The following LARGE1 variants were observed in gnomAD, a reference collection of about 807,000 sequenced individuals.
LARGE1 encodes xylosyl- and glucuronyltransferase LARGE1.
LARGE1 carries 43 observed loss-of-function variants against 87.6 expected under a neutral mutation model. The observed-to-expected ratio is 0.49, with a 90% CI of 0.38 to 0.63. The LOEUF is 0.63. LARGE1 is among the 30% of genes least tolerant of loss of function. LARGE1 has a pLI of 0.00. For synonymous variants in LARGE1, 434 were observed against 394.6 expected, an observed-to-expected ratio of 1.10 and a Z score of -1.18; for missense variants, 802 against 1,000.2, an observed-to-expected ratio of 0.80 and a Z score of 2.67.
At chr22:33,283,062 G>T in intron 13 of LARGE1, 140 bp downstream of exon 13, 2 of 1,046,584 alleles carry the variant, frequency 1.9e-6, no homozygotes, top group Non-Finnish European at 3.0e-6. Context: ...GACGTTGTCT[G>T]GAGAAAGCGG....
chr22:33,356,469 C>G (rs1940903497), intron 9 of LARGE1, among the ~76,000 whole-genome samples: 1 of 152,158 alleles, frequency 6.6e-6, no homozygotes, highest in Admixed American at 6.5e-5. Flanking sequence ...CTCTATTTCC[C>G]TTCTTTGAAA....
At chr22:33,265,989 T>C (rs998167545) in intron 11 of LARGE1, among the ~76,000 whole-genome samples, 2 of 152,108 alleles carry the variant, frequency 1.3e-5, no homozygotes, top group African/African-American at 2.4e-5. Context: ...CAAGAAAAGA[T>C]AAATTCCCCA....
intron 11 of LARGE1, among the ~76,000 whole-genome samples, chr22:33,244,449 A>G (rs1350592151): frequency 6.6e-6 from 1 of 152,140 alleles, no homozygotes; most frequent in East Asian, 1.9e-4. Context: ...TGAAACATGA[A>G]TCCAAGCCTC....
intron 6 of LARGE1, among the ~76,000 whole-genome samples, chr22:33,469,607 T>C (rs1011071924): frequency 3.3e-5 from 5 of 151,960 alleles, no homozygotes; most frequent in African/African-American, 1.2e-4. Flanking sequence ...GGTGGATCAC[T>C]TGAGGTCAGG....
At chr22:33,573,855 G>A (rs1348579664) in intron 5 of LARGE1, among the ~76,000 whole-genome samples, 1 of 152,084 alleles carries the variant, frequency 6.6e-6, no homozygotes, top group African/African-American at 2.4e-5. Context: ...TACATGCCCG[G>A]CAGTTGATGC....
chr22:33,208,289 T>C (rs769753516), intron 11 of LARGE1, among the ~76,000 whole-genome samples: 1 of 152,218 alleles, frequency 6.6e-6, no homozygotes, highest in Non-Finnish European at 1.5e-5. Flanking sequence ...AAGATCTCTC[T>C]GTGTTTTCTC....
intron 1 of LARGE1, among the ~76,000 whole-genome samples, chr22:33,884,951 G>C (rs560141466): frequency 6.6e-6 from 1 of 152,224 alleles, no homozygotes; most frequent in Non-Finnish European, 1.5e-5. Flanking sequence ...CCATGGGGGG[G>C]AGGAATTAAT....
At chr22:33,500,066 C>T (rs777986274) in intron 6 of LARGE1, among the ~76,000 whole-genome samples, 36 of 152,126 alleles carry the variant, frequency 2.4e-4, no homozygotes, top group Non-Finnish European at 4.6e-4. Flanking sequence ...TGAGTCACCA[C>T]GACTGGACTA....
chr22:33,823,453 T>C (rs921203610), intron 1 of LARGE1, among the ~76,000 whole-genome samples: 1 of 152,202 alleles, frequency 6.6e-6, no homozygotes. Flanking sequence ...TTAACCATCT[T>C]GCTATCTATC....
intron 5 of LARGE1, chr22:33,572,064 C>A: frequency 2.0e-6 from 1 of 493,840 alleles, no homozygotes; most frequent in Non-Finnish European, 3.8e-6. Flanking sequence ...TGCTTCCTTC[C>A]TAAGGCGTTA....
At chr22:33,473,866 A>G (rs2068961974) in intron 6 of LARGE1, among the ~76,000 whole-genome samples, 1 of 152,214 alleles carries the variant, frequency 6.6e-6, no homozygotes, top group African/African-American at 2.4e-5. Flanking sequence ...TGCTAAAATT[A>G]ATTCTGTTCT....
rs112518878 is a variant in LARGE1 at position 33,463,283 on chromosome 22, T to G, written c.788-31018A>C. On this transcript the variant is annotated intron_variant, in intron 6 of 14. Transcript: ENST00000397394. ...GAAAATAAAAAGAGGGAAGAAGACA[T>G]AAAAGAAAATACAAATACAAAAAAA... Among the ~76,000 whole-genome samples, 1,139 of 149,766 alleles carry G rather than the reference T, an allele frequency of 7.6e-3. 8 individuals are homozygous for G. The highest frequency in any genetic ancestry group is 0.026 in the African/African-American group (1,057 of 41,184).
intron 1 of LARGE1, among the ~76,000 whole-genome samples, chr22:33,803,716 C>A (rs1158502245): frequency 1.3e-5 from 2 of 152,208 alleles, no homozygotes; most frequent in Non-Finnish European, 2.9e-5. Flanking sequence ...CACTTAATTC[C>A]TCCAGCAATG....
intron 5 of LARGE1, among the ~76,000 whole-genome samples, chr22:33,602,682 A>C (rs2079143476): frequency 6.7e-6 from 1 of 150,262 alleles, no homozygotes; most frequent in African/African-American, 2.5e-5. Context: ...CTAATTTTTA[A>C]AATTTTTTTG....
At chr22:33,651,374 AGT>A (rs1010338886) in intron 2 of LARGE1, among the ~76,000 whole-genome samples, 21 of 123,530 alleles carry the variant, frequency 1.7e-4, no homozygotes, top group South Asian at 2.8e-4. Context: ...CCTGGGCCAG[AGT>A]GAGACTCCGT....
intron 9 of LARGE1, among the ~76,000 whole-genome samples, chr22:33,343,940 A>C (rs1190508648): frequency 6.6e-6 from 1 of 152,228 alleles, no homozygotes; most frequent in Non-Finnish European, 1.5e-5. Flanking sequence ...AAAGAGAGCC[A>C]GTCCAAGTCC....
chr22:33,504,258 A>G lies in LARGE1; in HGVS notation c.787+60590T>C, dbSNP rs2070654890. Among the ~76,000 whole-genome samples, 3 of 152,136 alleles carry G rather than the reference A, an allele frequency of 2.0e-5. No homozygotes were observed. The South Asian group carries it at 6.2e-4, about 32-fold the overall frequency. The stretch of plus-strand genomic sequence containing the variant: ...ATGAACTATACACTACAAATGGGTG[A>G]ATTTTTATTTATTTATTTTTAGACA... On this transcript the variant is annotated intron_variant, in intron 6 of 14. Coordinates refer to ENST00000397394, the MANE Select transcript of LARGE1 (RefSeq NM_133642.5).
At chr22:33,799,372 G>A (rs2086085660) in intron 1 of LARGE1, among the ~76,000 whole-genome samples, 1 of 152,062 alleles carries the variant, frequency 6.6e-6, no homozygotes, top group African/African-American at 2.4e-5. Flanking sequence ...ATGTGGTGGG[G>A]ACAAACAAAT....
chr22:33,148,328 C>A, the LARGE1 span, among the ~76,000 whole-genome samples: 5 of 152,188 alleles, frequency 3.3e-5, no homozygotes, highest in Non-Finnish European at 7.3e-5. Context: ...TGGAATACTA[C>A]AATATGTGAT....
Sources: gnomAD v4.1 joint callset for allele counts (sites outside exome capture counted in the v4.1 genomes callset) on GRCh38, gnomAD v4.1.1 for gene constraint, MANE v1.5 for transcripts, NCBI Gene and HGNC (gene_info 2026-07-23, HGNC 2026-07-21) for gene names.